DENND2A: variants seen among roughly 807,000 people sequenced by gnomAD.
DENND2A encodes the protein DENN domain-containing protein 2A.
DENND2A carries 53 observed loss-of-function variants against 105.3 expected under a neutral mutation model. That is an observed-to-expected ratio of 0.50 (90% CI 0.40 to 0.63). The LOEUF (loss-of-function observed/expected upper bound fraction) is 0.63, where lower values mean the gene tolerates loss of function less well. Ranked by LOEUF, DENND2A falls within the 30% of genes least tolerant of loss-of-function variation. DENND2A has a pLI of 0.00. For missense variants in DENND2A, 1,138 were observed against 1,279.6 expected (o/e 0.89, Z 1.69); for synonymous variants, 522 against 508.4 (o/e 1.03, Z -0.36).
chr7:140,584,783 C>T (rs1412578030), intron 5 of DENND2A, among the ~76,000 whole-genome samples: 3 of 152,148 alleles, frequency 2.0e-5, no homozygotes, highest in African/African-American at 7.2e-5. Context: ...TATTCTTACA[C>T]ATACATGTGT....
In DENND2A at chr7:140,559,478, T is replaced by G. The variant is rs1176247115; in HGVS notation, c.1889+230A>C. ...GGCTAAGAATTATCTTCCGGGAGGCTTCTGAAACAAGTATCCCCAGATTGA... is the reference window on the plus strand; with the variant it reads ...GGCTAAGAATTATCTTCCGGGAGGCGTCTGAAACAAGTATCCCCAGATTGA... On this transcript the variant is annotated intron_variant, in intron 10 of 19. Coordinates refer to ENST00000496613, the MANE Select transcript of DENND2A (RefSeq NM_015689.5). This position sits in a 1 kb window ranked among gnomAD's most constrained non-coding sequence, Gnocchi z 4.1. 6.6e-6 allele frequency among the ~76,000 whole-genome samples: 1 copy of G among 152,166 alleles called. No homozygotes were observed. Among genetic ancestry groups the G allele is most frequent in the African/African-American group, 2.4e-5 (1 of 41,432 alleles).
intron 19 of DENND2A, 43 bp downstream of exon 19, chr7:140,519,589 C>G: frequency 6.3e-7 from 1 of 1,579,592 alleles, no homozygotes; most frequent in Non-Finnish European, 8.7e-7. Flanking sequence ...AGACAGACAG[C>G]TCAGAGGCAC....
rs536384520 is a variant in DENND2A, at chr7:140,533,619, C to T, written c.2328-6124G>A. ...AGGAAGCCAAAGTTCACTCAGTGAACTGGATGCATGGGGCTCCAGGACAGC... is the reference window on the plus strand; with the variant it reads ...AGGAAGCCAAAGTTCACTCAGTGAATTGGATGCATGGGGCTCCAGGACAGC... On this transcript the variant is annotated intron_variant, in intron 14 of 19. Transcript: ENST00000496613. Among the ~76,000 whole-genome samples the T allele has an allele frequency of 2.6e-5, 4 of 152,340 alleles. 1 individual carries two copies. The South Asian group carries it at 8.3e-4, about 32-fold the overall frequency.
chr7:140,572,545 G>A (rs535117320), intron 6 of DENND2A, among the ~76,000 whole-genome samples: 71 of 151,460 alleles, frequency 4.7e-4, no homozygotes, highest in Middle Eastern at 6.8e-3. Context: ...GGCGGATCAC[G>A]CGGTCAGCAG....
chr7:140,541,891 C>T (rs1024127510), intron 14 of DENND2A, among the ~76,000 whole-genome samples: 2 of 152,190 alleles, frequency 1.3e-5, no homozygotes, highest in Non-Finnish European at 2.9e-5. Context: ...CCAGATGCGG[C>T]GCATGAGGGG....
chr7:140,630,534 G>A lies in DENND2A; in HGVS notation c.-248+9970C>T, dbSNP rs556667380. 1.7e-3 allele frequency among the ~76,000 whole-genome samples: 255 copies of A among 152,166 alleles called. 1 individual carries two copies. The highest frequency in any genetic ancestry group is 5.9e-3 in the African/African-American group (243 of 41,510). Reference sequence around the variant, plus strand: ...ATTAAAACAACCAAAACAGTATGGCGTCTACACTGAGGAGGCAGTATTCAA... The same window carrying A: ...ATTAAAACAACCAAAACAGTATGGCATCTACACTGAGGAGGCAGTATTCAA... On this transcript the variant is annotated intron_variant, in intron 1 of 19. Coordinates refer to ENST00000496613, the MANE Select transcript of DENND2A (RefSeq NM_015689.5).
intron 15 of DENND2A, among the ~76,000 whole-genome samples, chr7:140,526,971 T>G (rs1229635250): frequency 6.6e-6 from 1 of 152,148 alleles, no homozygotes; most frequent in Non-Finnish European, 1.5e-5. Context: ...GACCAGATCT[T>G]GCTAGCTCCT....
chr7:140,628,969 C>T (rs888959100), intron 1 of DENND2A, among the ~76,000 whole-genome samples: 1 of 152,080 alleles, frequency 6.6e-6, no homozygotes, highest in Non-Finnish European at 1.5e-5. Context: ...AAAAATGGTC[C>T]CTGCCCTCAA....
At chr7:140,641,098 G>T (rs1253659888), upstream of DENND2A, among the ~76,000 whole-genome samples, 1 of 152,028 alleles carries the variant, frequency 6.6e-6, no homozygotes, top group Non-Finnish European at 1.5e-5. Context: ...AGACCTGGAC[G>T]TCCAAGCCTG....
intron 5 of DENND2A, among the ~76,000 whole-genome samples, chr7:140,580,718 C>T (rs1798507179): frequency 6.6e-6 from 1 of 152,004 alleles, no homozygotes. Flanking sequence ...CTCACTGAAA[C>T]CTCCGCCTCC....
intron 5 of DENND2A, among the ~76,000 whole-genome samples, chr7:140,577,587 G>A (rs941150759): frequency 5.9e-5 from 9 of 151,892 alleles, no homozygotes; most frequent in African/African-American, 1.9e-4. Context: ...TAGTAGAGAC[G>A]GGGTTTTGCC....
rs2130650312 is a variant in DENND2A, at chr7:140,587,680, C to G, written c.1096G>C (p.Glu366Gln). 1.2e-6 allele frequency: 2 copies of G among 1,614,068 alleles called. No homozygotes were observed. Among genetic ancestry groups the G allele is most frequent in the East Asian group, 2.2e-5 (1 of 44,866 alleles). The change falls in exon 4 of 20, where the codon GAG becomes CAG. Residue 366 changes from glutamate to glutamine, a missense_variant. Transcript: ENST00000496613. ...TKLGLTRTLS[E>Q]ENVYEDILDP... ...AGAATGTCTTCATAGACGTTCTCCTCCGATAAAGTGCGTGTCAGCCCCAGC... is the reference window on the plus strand; with the variant it reads ...AGAATGTCTTCATAGACGTTCTCCTGCGATAAAGTGCGTGTCAGCCCCAGC...
intron 11 of DENND2A, among the ~76,000 whole-genome samples, chr7:140,557,628 C>T (rs2130564360): frequency 7.3e-6 from 1 of 137,686 alleles, no homozygotes; most frequent in South Asian, 2.6e-4. Flanking sequence ...CAAGCTCCGC[C>T]TCCCGGGTTC....
chr7:140,633,847 AT>A (rs1800823885), intron 1 of DENND2A, among the ~76,000 whole-genome samples: 1 of 151,856 alleles, frequency 6.6e-6, no homozygotes, highest in African/African-American at 2.4e-5. Context: ...ACTCACTGCA[AT>A]CTCTGCCCAC....
chr7:140,580,724 C>T (rs1798507762), intron 5 of DENND2A, among the ~76,000 whole-genome samples: 1 of 152,000 alleles, frequency 6.6e-6, no homozygotes, highest in Non-Finnish European at 1.5e-5. Context: ...GAAACCTCCG[C>T]CTCCCAGGTT....
Position 140,583,153 on chromosome 7 carries a change from G to A in DENND2A, c.1245+2436C>T, listed in dbSNP as rs752981936. Among the ~76,000 whole-genome samples, 7 of 151,742 alleles carry A rather than the reference G, an allele frequency of 4.6e-5. No homozygotes were observed. The East Asian group carries it at 5.8e-4, about 13-fold the overall frequency. ...AAAAAAAAAATACAAAAAATTAGCCGGCCATGGTGATGGCCCAGCTACTCG... is the reference window on the plus strand; with the variant it reads ...AAAAAAAAAATACAAAAAATTAGCCAGCCATGGTGATGGCCCAGCTACTCG... On this transcript the variant is annotated intron_variant, in intron 5 of 19. Coordinates refer to ENST00000496613, the MANE Select transcript of DENND2A (RefSeq NM_015689.5).
intron 5 of DENND2A, among the ~76,000 whole-genome samples, chr7:140,578,852 C>A (rs192434440): frequency 6.6e-6 from 1 of 152,046 alleles, no homozygotes; most frequent in South Asian, 2.1e-4. Flanking sequence ...CTAGCCTGGG[C>A]GACAGCGTGA....
chr7:140,587,355 G>T (rs2130649364), intron 4 of DENND2A, among the ~76,000 whole-genome samples: 1 of 152,244 alleles, frequency 6.6e-6, no homozygotes, highest in South Asian at 2.1e-4. Context: ...ACCAAGATGT[G>T]GTTCTGGATC....
At position 140,602,467 on chromosome 7, in the gene DENND2A, C is replaced by G. The variant is rs1799552441; in HGVS notation, c.-70G>C. The G allele has an allele frequency of 3.4e-6, 5 of 1,467,854 alleles. No homozygotes were observed. The highest frequency in any genetic ancestry group is 4.5e-6 in the Non-Finnish European group (5 of 1,111,058). 90.9% of individuals were successfully genotyped at this position (1,467,854 alleles called of 1,614,324 possible). On this transcript the variant is annotated 5_prime_UTR_variant, in exon 3 of 20. Transcript: ENST00000496613. Reference sequence around the variant, plus strand: ...TTCTGAAGCCTGACTCCTGATCAGTCTCTAGGAATGGAATGGAGGACTAAA... The same window carrying G: ...TTCTGAAGCCTGACTCCTGATCAGTGTCTAGGAATGGAATGGAGGACTAAA...
Sources: gnomAD v4.1 joint callset for allele counts (sites outside exome capture counted in the v4.1 genomes callset) on GRCh38, gnomAD v4.1.1 for gene constraint, Gnocchi (gnomAD v3.1) non-coding constraint, MANE v1.5 for transcripts, NCBI Gene and HGNC (gene_info 2026-07-23, HGNC 2026-07-21) for gene names.